EHMT1: variants seen among roughly 807,000 people sequenced by gnomAD.
EHMT1 encodes the protein euchromatic histone lysine methyltransferase 1.
EHMT1 carries 15 observed loss-of-function variants against 147.2 expected under a neutral mutation model. The observed-to-expected ratio is 0.10, with a 90% CI of 0.07 to 0.16. EHMT1 has a LOEUF of 0.16. Among genes scored for constraint, EHMT1 ranks in the 10% least tolerant of loss-of-function variants. EHMT1 has a pLI of 1.00. For missense variants in EHMT1, 1,587 were observed against 1,772.4 expected (o/e 0.90, Z 1.88); for synonymous variants, 795 against 709.6 (o/e 1.12, Z -1.91).
chr9:137,799,016 C>G (rs1953206365), intron 17 of EHMT1, 102 bp downstream of exon 17: 11 of 983,382 alleles, frequency 1.1e-5, no homozygotes, highest in Non-Finnish European at 1.4e-5. Context: ...ATGGCGTCCC[C>G]TCCCACGCAC....
At chr9:137,718,362 G>T (rs1319254421) in intron 3 of EHMT1, among the ~76,000 whole-genome samples, 6 of 152,232 alleles carry the variant, frequency 3.9e-5, no homozygotes, top group Non-Finnish European at 8.8e-5. Context: ...GTAAGTTCTA[G>T]GTTTGTGATC....
chr9:137,779,560 C>T, intron 13 of EHMT1, 75 bp from the exon 14 acceptor site: 1 of 1,525,100 alleles, frequency 6.6e-7, no homozygotes, highest in Non-Finnish European at 9.0e-7. Flanking sequence ...GAGATGTCCG[C>T]CGGGCCTTCC....
Position 137,728,471 on chromosome 9 carries a change from C to T in EHMT1, c.765C>T (p.Ser255=). The change falls in exon 4 of 27, where the codon TCC becomes TCT. Residue 255 remains serine, a synonymous_variant. Transcript: ENST00000460843. Reference sequence around the variant, plus strand: ...AGCAGCTTTTACCCCCCTTCCCATCCCTTCATCAGTCGCTACCTCAGAACC... The same window carrying T: ...AGCAGCTTTTACCCCCCTTCCCATCTCTTCATCAGTCGCTACCTCAGAACC... ...GRQQLLPPFP[S]LHQSLPQNQC... is the part of the protein sequence containing the mutation. 1 of 1,614,176 alleles carries T rather than the reference C, an allele frequency of 6.2e-7. No homozygotes were observed. The highest frequency in any genetic ancestry group is 1.1e-5 in the South Asian group (1 of 91,084).
At chr9:137,815,024 G>T (rs1954810265) in intron 22 of EHMT1, among the ~76,000 whole-genome samples, 1 of 152,094 alleles carries the variant, frequency 6.6e-6, no homozygotes, top group African/African-American at 2.4e-5. Flanking sequence ...GCCCTGGCTA[G>T]CAGGGGTGCA....
rs61744215 is a variant in EHMT1, at chr9:137,834,496, C to T, written c.3688C>T (p.Arg1230Cys). 4 of 1,611,992 alleles carry T rather than the reference C, an allele frequency of 2.5e-6. No individual in the cohort carries two copies. Among genetic ancestry groups the T allele is most frequent in the African/African-American group, 2.7e-5 (2 of 74,930 alleles). Residue 1230 changes from arginine (R) to cysteine (C), a missense_variant, in exon 26 of 27, where the codon CGC becomes TGC. By Grantham distance (180) the Arg-to-Cys change is radical (BLOSUM62 -3). Transcript: ENST00000460843. ...RFPRIAFFST[R>C]LIEAGEQLGF... ...CCCCCGGATCGCCTTCTTCAGCACCCGCCTGATCGAGGCCGGCGAGCAGCT... is the reference window on the plus strand; with the variant it reads ...CCCCCGGATCGCCTTCTTCAGCACCTGCCTGATCGAGGCCGGCGAGCAGCT...
At chr9:137,720,895 A>G (rs139752987) in intron 3 of EHMT1, among the ~76,000 whole-genome samples, 6 of 152,168 alleles carry the variant, frequency 3.9e-5, no homozygotes, top group Non-Finnish European at 8.8e-5. Context: ...ACTGGGTTCT[A>G]TGGCCTTCGG....
At chr9:137,680,760 G>A (rs895824553) in intron 1 of EHMT1, 15 of 152,292 alleles carry the variant, frequency 9.8e-5, no homozygotes, top group African/African-American at 3.4e-4. Context: ...CCACCTGTGA[G>A]ACCCTAACCC....
chr9:137,754,408 TAAA>T, intron 8 of EHMT1, 117 bp downstream of exon 8: 1 of 1,415,240 alleles, frequency 7.1e-7, no homozygotes, highest in Admixed American at 2.6e-5. Context: ...CATCACTGTT[TAAA>T]AAAAATGTTT....
At chr9:137,790,813 A>G (rs1952469634) in intron 15 of EHMT1, 35 bp from the exon 16 acceptor site, 1 of 1,614,014 alleles carries the variant, frequency 6.2e-7, no homozygotes, top group Non-Finnish European at 8.5e-7. Context: ...CTACCGTCAC[A>G]GCCCTCCCAT....
chr9:137,631,226 A>G (rs901945262), intron 1 of EHMT1, among the ~76,000 whole-genome samples: 1 of 151,808 alleles, frequency 6.6e-6, no homozygotes, highest in Non-Finnish European at 1.5e-5. Flanking sequence ...CCTGTCTCTA[A>G]TAAAAATATA....
At chr9:137,649,997 C>A (rs1308649340) in intron 1 of EHMT1, among the ~76,000 whole-genome samples, 1 of 152,150 alleles carries the variant, frequency 6.6e-6, no homozygotes, top group South Asian at 2.1e-4. Flanking sequence ...GTGGGACAAC[C>A]TTTGAGGAAC....
intron 3 of EHMT1, 114 bp downstream of exon 3, chr9:137,717,296 CA>C: frequency 7.3e-7 from 1 of 1,376,666 alleles, no homozygotes; most frequent in African/African-American, 1.4e-5. Flanking sequence ...GGTTATCCGA[CA>C]GGGCCTATGA....
At chr9:137,801,789 C>T (rs1379758665) in intron 18 of EHMT1, among the ~76,000 whole-genome samples, 2 of 152,126 alleles carry the variant, frequency 1.3e-5, no homozygotes, top group Admixed American at 1.3e-4. Flanking sequence ...TGAGCCACTG[C>T]GCCCGGCCAA....
intron 1 of EHMT1, among the ~76,000 whole-genome samples, chr9:137,635,374 T>G (rs941527655): frequency 7.2e-6 from 1 of 139,742 alleles, no homozygotes; most frequent in African/African-American, 2.7e-5. Context: ...GCCCAGCTAA[T>G]TTTTTTTTTT....
intron 9 of EHMT1, among the ~76,000 whole-genome samples, chr9:137,759,074 C>T (rs2136291166): frequency 6.6e-6 from 1 of 152,158 alleles, no homozygotes; most frequent in East Asian, 1.9e-4. Flanking sequence ...TTGCAATGAG[C>T]CGAGATGGCA....
intron 1 of EHMT1, among the ~76,000 whole-genome samples, chr9:137,707,902 C>T (rs563339040): frequency 1.3e-5 from 2 of 152,142 alleles, no homozygotes; most frequent in Non-Finnish European, 2.9e-5. Context: ...GAGACCTTGT[C>T]GGCAGAGCTG....
intron 22 of EHMT1, chr9:137,814,948 T>G (rs56226027): frequency 0.056 from 16,674 of 297,158 alleles, 2,642 homozygotes; most frequent in African/African-American, 0.34. Context: ...GAAGTTTCTG[T>G]TGGGTGCTGG....
At chr9:137,833,341 CCGCAGCTCGCCATGGCGGCCACCCACT>C (rs1375320298) in intron 25 of EHMT1, among the ~76,000 whole-genome samples, 1 of 152,256 alleles carries the variant, frequency 6.6e-6, no homozygotes, top group Non-Finnish European at 1.5e-5. Context: ...CGCCACCCAC[CCGCAGCTCGCCATGGCGGCCACCCACT>C]CGGCCCAGTG....
chr9:137,705,432 G>C (rs1001039411), intron 1 of EHMT1, among the ~76,000 whole-genome samples: 4 of 152,198 alleles, frequency 2.6e-5, no homozygotes, highest in African/African-American at 9.6e-5. Flanking sequence ...ATTTTTAAGT[G>C]GCAAGAACTG....
Sources: allele counts gnomAD v4.1 joint callset (sites outside exome capture counted in the v4.1 genomes callset), GRCh38; gene constraint gnomAD v4.1.1; transcripts MANE v1.5; gene names NCBI Gene and HGNC (gene_info 2026-07-23, HGNC 2026-07-21).